CR1: variants seen among roughly 807,000 people sequenced by gnomAD.
CR1 encodes complement C3b/C4b receptor 1 (Knops blood group).
In CR1, 116 loss-of-function variants were observed where a neutral mutation model predicts 187.3. The ratio of observed to expected loss-of-function variants is 0.62; its 90% CI spans 0.53 to 0.72. The LOEUF is 0.72. Ranked by LOEUF, CR1 falls within the 30% of genes least tolerant of loss-of-function variation. The pLI is 0.00. For missense variants in CR1, 1,731 were observed against 2,110.7 expected, an observed-to-expected ratio of 0.82 and a Z score of 3.52; for synonymous variants, 576 against 747.1, an observed-to-expected ratio of 0.77 and a Z score of 3.73.
chr1:207,517,493 T>C (rs1483551491), intron 4 of CR1, among the ~76,000 whole-genome samples: 1 of 152,118 alleles, frequency 6.6e-6, no homozygotes, highest in Non-Finnish European at 1.5e-5. Flanking sequence ...TTAATGTCCT[T>C]ATCAGGTTTG....
rs761877014 is a variant in CR1, at chr1:207,609,360, C to T, written c.5967C>T (p.His1989=). 7 of 1,613,946 alleles carry T rather than the reference C, an allele frequency of 4.3e-6. No individual in the cohort carries two copies. Among genetic ancestry groups the T allele is most frequent in the East Asian group, 2.2e-5 (1 of 44,888 alleles). Residue 1989 remains histidine, a synonymous_variant, in exon 37 of 47, where the codon CAC becomes CAT. Coordinates refer to ENST00000367049, the MANE Select transcript of CR1 (RefSeq NM_000651.6). ...DFYSNNRTSF[H]NGTVVTYQCH... The stretch of plus-strand genomic sequence containing the variant: ...ACAGCAACAATAGAACATCTTTTCA[C>T]AATGGAACGGTGGTAACTTACCAGT...
chr1:207,578,661 C>T (rs1393245827), intron 29 of CR1, among the ~76,000 whole-genome samples: 1 of 152,212 alleles, frequency 6.6e-6, no homozygotes, highest in East Asian at 1.9e-4. Context: ...GTCACATGTT[C>T]TAAGCGAGAC....
chr1:207,513,675 T>C (rs1346428149), intron 4 of CR1, among the ~76,000 whole-genome samples: 3 of 152,022 alleles, frequency 2.0e-5, no homozygotes, highest in Non-Finnish European at 4.4e-5. Context: ...ACCAAATAAT[T>C]ATAATTTTAT....
intron 33 of CR1, among the ~76,000 whole-genome samples, chr1:207,586,399 G>T (rs1661113784): frequency 2.6e-5 from 4 of 152,210 alleles, no homozygotes; most frequent in Admixed American, 2.6e-4. Context: ...GCCTCCCAAA[G>T]TGCTGGGACT....
chr1:207,639,423 A>C lies in CR1; in HGVS notation c.*14A>C, dbSNP rs781473091. On this transcript the variant is annotated 3_prime_UTR_variant, in exon 47 of 47. Transcript: ENST00000367049. Reference sequence around the variant, plus strand: ...GTCCTTCCTTGACAAAGTACTATACAGCTGAAGAACATCTCGAATACAATT... The same window carrying C: ...GTCCTTCCTTGACAAAGTACTATACCGCTGAAGAACATCTCGAATACAATT... 3.1e-6 allele frequency: 5 copies of C among 1,596,462 alleles called. No homozygotes were observed. The highest frequency in any genetic ancestry group is 2.7e-5 in the African/African-American group (2 of 74,804).
At chr1:207,620,876 C>T (rs945888369) in intron 43 of CR1, among the ~76,000 whole-genome samples, 1 of 152,066 alleles carries the variant, frequency 6.6e-6, no homozygotes, top group African/African-American at 2.4e-5. Context: ...ATTGGAGAAC[C>T]AACCGTATCA....
intron 4 of CR1, among the ~76,000 whole-genome samples, chr1:207,513,292 C>A (rs1168509137): frequency 2.0e-5 from 3 of 152,244 alleles, no homozygotes; most frequent in African/African-American, 4.8e-5. Context: ...AGTGCTGCCA[C>A]TGGGACTCTG....
At chr1:207,582,882 G>T (rs1443805348) in intron 32 of CR1, among the ~76,000 whole-genome samples, 1 of 152,246 alleles carries the variant, frequency 6.6e-6, no homozygotes, top group Non-Finnish European at 1.5e-5. Flanking sequence ...GCAGGGGACT[G>T]CATGAAGTTT....
chr1:207,524,528 T>G (rs1281966228), intron 5 of CR1, among the ~76,000 whole-genome samples: 3 of 151,894 alleles, frequency 2.0e-5, no homozygotes, highest in Non-Finnish European at 4.4e-5. Context: ...GGAATATAGG[T>G]GCATGCCACC....
At chr1:207,508,207 A>G (rs1333511722) in intron 3 of CR1, among the ~76,000 whole-genome samples, 3 of 152,190 alleles carry the variant, frequency 2.0e-5, no homozygotes, top group Admixed American at 2.0e-4. Flanking sequence ...GTATGATGCC[A>G]TAACAGTAGG....
At position 207,511,578 on chromosome 1, in the gene CR1, C is replaced by T. The variant is rs878945222; in HGVS notation, c.411C>T (p.Leu137=). Residue 137 remains leucine, a synonymous_variant, in exon 4 of 47, where the codon CTC becomes CTT. Coordinates refer to ENST00000367049, the MANE Select transcript of CR1 (RefSeq NM_000651.6). ...IKYSCTKGYR[L]IGSSSATCII... is the part of the protein sequence containing the mutation. Reference sequence around the variant, plus strand: ...TATTTTTTGCCTCTAGATACCGACTCATTGGTTCCTCGTCTGCCACATGCA... The same window carrying T: ...TATTTTTTGCCTCTAGATACCGACTTATTGGTTCCTCGTCTGCCACATGCA... 3.7e-6 allele frequency: 6 copies of T among 1,613,280 alleles called. No homozygotes were observed. The highest frequency in any genetic ancestry group is 3.3e-5 in the Admixed American group (2 of 59,986).
chr1:207,575,475 G>A (rs1373165578), intron 27 of CR1, 120 bp from the exon 28 acceptor site: 19 of 1,263,742 alleles, frequency 1.5e-5, no homozygotes, highest in Non-Finnish European at 2.1e-5. Context: ...AATAGGTAAA[G>A]TTTAGGCTAG....
intron 28 of CR1, among the ~76,000 whole-genome samples, chr1:207,576,166 G>A (rs1019406663): frequency 1.3e-5 from 2 of 152,192 alleles, no homozygotes; most frequent in East Asian, 1.9e-4. Context: ...GAGCAAAGAC[G>A]AATGAGCAAT....
At chr1:207,508,177 G>T (rs1262050805) in intron 3 of CR1, among the ~76,000 whole-genome samples, 1 of 152,140 alleles carries the variant, frequency 6.6e-6, no homozygotes, top group Non-Finnish European at 1.5e-5. Flanking sequence ...AGAGGATTTT[G>T]AGGGTAGTGA....
intron 39 of CR1, among the ~76,000 whole-genome samples, chr1:207,613,462 A>G (rs768135958): frequency 6.6e-6 from 1 of 152,138 alleles, no homozygotes; most frequent in Non-Finnish European, 1.5e-5. Context: ...AAGCACACCA[A>G]ATGGGAAGAG....
In CR1 at chr1:207,511,563, C is replaced by T. The variant is rs371579395; in HGVS notation, c.402-6C>T. On this transcript the variant is annotated splice_polypyrimidine_tract_variant and splice_region_variant and intron_variant, in intron 3 of 46. Transcript: ENST00000367049. ...GAATGTAACATTCCTTATTTTTTGC[C>T]TCTAGATACCGACTCATTGGTTCCT... 1.1e-5 allele frequency: 17 copies of T among 1,612,028 alleles called. No individual in the cohort carries two copies. In the African/African-American group the frequency reaches 2.3e-4, roughly 22 times the overall value.
chr1:207,621,686 A>C (rs1662318084), intron 43 of CR1, among the ~76,000 whole-genome samples: 1 of 152,190 alleles, frequency 6.6e-6, no homozygotes, highest in Non-Finnish European at 1.5e-5. Context: ...ACCAGAACAG[A>C]ATGTATCAAA....
At chr1:207,506,138 A>T in intron 2 of CR1, 55 bp downstream of exon 2, 1 of 1,579,864 alleles carries the variant, frequency 6.3e-7, no homozygotes, top group African/African-American at 1.4e-5. Flanking sequence ...GTAAGATCTG[A>T]TTCAATTTGT....
intron 19 of CR1, among the ~76,000 whole-genome samples, chr1:207,556,648 C>CATATATATATATATAT (rs1404002868): frequency 2.6e-4 from 10 of 38,196 alleles, no homozygotes; most frequent in Non-Finnish European, 3.8e-4. Flanking sequence ...TGATCTATAT[C>CATATATATATATATAT]ATATATATAT....
Sources: allele counts gnomAD v4.1 joint callset (sites outside exome capture counted in the v4.1 genomes callset), GRCh38; gene constraint gnomAD v4.1.1; transcripts MANE v1.5; gene names NCBI Gene and HGNC (gene_info 2026-07-23, HGNC 2026-07-21).